The following STAP2 variants were observed in gnomAD, a reference collection of about 807,000 sequenced individuals.
STAP2 encodes signal transducing adaptor family member 2.
STAP2 carries 58 observed loss-of-function variants against 52.7 expected under a neutral mutation model. The observed-to-expected ratio is 1.10, with a 90% CI of 0.89 to 1.37. The LOEUF (loss-of-function observed/expected upper bound fraction) is 1.37, where lower values mean the gene tolerates loss of function less well. Ranked by LOEUF, STAP2 falls within the 40% of genes most tolerant of loss-of-function variation. STAP2 has a pLI of 0.00. For missense variants in STAP2, 522 were observed against 519.4 expected, an observed-to-expected ratio of 1.00 and a Z score of -0.05; for synonymous variants, 231 against 210.5, an observed-to-expected ratio of 1.10 and a Z score of -0.84.
At chr19:4,325,149 A>C (rs1971766626) in intron 11 of STAP2, 67 bp downstream of exon 11, 5 of 1,395,672 alleles carry the variant, frequency 3.6e-6, no homozygotes, top group Middle Eastern at 1.8e-4. Context: ...AAAAAAAAAA[A>C]AAAGTCAGAT....
intron 3 of STAP2, among the ~76,000 whole-genome samples, chr19:4,332,953 G>A (rs542863573): frequency 6.6e-6 from 1 of 152,292 alleles, no homozygotes; most frequent in Admixed American, 6.5e-5. Context: ...ACTTTGGGAG[G>A]CCGAGGTGGG....
rs62129337 is a variant in STAP2, at chr19:4,338,264, G to T, written c.102+388C>A. On this transcript the variant is annotated intron_variant, in intron 1 of 12. Transcript: ENST00000594605. ...CTGAGGTTCACGGAGTTTTTCCTGG[G>T]CTGGGAGCGGGAGGAAGCTCGGGAG... The T allele has an allele frequency of 6.5e-3, 1,103 of 168,426 alleles. 16 individuals carry two copies. The highest frequency in any genetic ancestry group is 0.025 in the African/African-American group (1,039 of 41,964). 10.4% of individuals were successfully genotyped at this position (168,426 alleles called of 1,614,324 possible).
In STAP2 at chr19:4,327,245, G is replaced by A; in HGVS notation, c.661-19C>T. On this transcript the variant is annotated intron_variant, in intron 7 of 12. Coordinates refer to ENST00000594605, the MANE Select transcript of STAP2 (RefSeq NM_001013841.2). ...AAGAGAACTGGGGGCAGATGGGGGA[G>A]CGGTCAGGCTGCTGGAGAAGGGACG... The A allele has an allele frequency of 1.2e-6, 2 of 1,613,952 alleles. No individual in the cohort carries two copies. Among genetic ancestry groups the A allele is most frequent in the Non-Finnish European group, 1.7e-6 (2 of 1,179,978 alleles).
In STAP2 at chr19:4,333,108, T is replaced by C. The variant is rs796559311; in HGVS notation, c.297+586A>G. ...GGGAGGCTGAGGCAGGAGAATCACT[T>C]AAACCTGGGAGGCAGAGGTTGTAGT... On this transcript the variant is annotated intron_variant, in intron 3 of 12. Coordinates refer to ENST00000594605, the MANE Select transcript of STAP2 (RefSeq NM_001013841.2). Among the ~76,000 whole-genome samples, 89 of 152,028 alleles carry C rather than the reference T, an allele frequency of 5.9e-4. 1 individual carries two copies. The highest frequency in any genetic ancestry group is 2.0e-3 in the African/African-American group (84 of 41,442).
chr19:4,325,338 T>C (rs1368409959), intron 10 of STAP2, 30 bp from the exon 11 acceptor site: 4 of 1,614,160 alleles, frequency 2.5e-6, no homozygotes, highest in South Asian at 1.1e-5. Flanking sequence ...ACGTGTCACA[T>C]CAGCTGTTAA....
chr19:4,336,593 G>A (rs1971984302), intron 1 of STAP2, among the ~76,000 whole-genome samples: 1 of 151,588 alleles, frequency 6.6e-6, no homozygotes, highest in Non-Finnish European at 1.5e-5. Flanking sequence ...GGTTACAGGC[G>A]TGAGCCACCA....
chr19:4,338,614 G>A (rs748630788), intron 1 of STAP2, 38 bp downstream of exon 1: 6 of 1,538,006 alleles, frequency 3.9e-6, no homozygotes, highest in Non-Finnish European at 5.3e-6. Flanking sequence ...GCTCCCCACG[G>A]TGGCCCAGCA....
chr19:4,333,309 A>T (rs1404859501), intron 3 of STAP2, among the ~76,000 whole-genome samples: 2 of 152,190 alleles, frequency 1.3e-5, no homozygotes, highest in African/African-American at 2.4e-5. Flanking sequence ...AGCATGGCCA[A>T]CATGGTGAAA....
intron 5 of STAP2, chr19:4,329,048 T>TGGA (rs1971845040): frequency 1.9e-6 from 1 of 520,772 alleles, no homozygotes; most frequent in Non-Finnish European, 3.3e-6. Context: ...TTGCCCAGGC[T>TGGA]GGAGTGCAAT....
chr19:4,325,136 CAAAAAA>C, intron 11 of STAP2, 74 bp downstream of exon 11: 5 of 1,089,816 alleles, frequency 4.6e-6, no homozygotes, highest in Admixed American at 2.6e-5. Context: ...GAGACTGTCT[CAAAAAA>C]AAAAAAAAAA....
In STAP2 at chr19:4,332,011, A is replaced by G; in HGVS notation, c.354+11T>C. ...AATGGGAGAGAGGGCGCAGAGAGCC[A>G]CTACTCTTACCTCCACCACCGTTAA... On this transcript the variant is annotated intron_variant, in intron 4 of 12. Transcript: ENST00000594605. 1.2e-6 allele frequency: 2 copies of G among 1,611,756 alleles called. No homozygotes were observed. The highest frequency in any genetic ancestry group is 1.7e-6 in the Non-Finnish European group (2 of 1,179,062).
chr19:4,333,899 C>T lies in STAP2; in HGVS notation c.174+74G>A, dbSNP rs537176914. ...GATGATGTAGCAGCCACCTTGACCA[C>T]ACCATCTACATTGTCTGCTTGGTCT... On this transcript the variant is annotated intron_variant, in intron 2 of 12. Coordinates refer to ENST00000594605, the MANE Select transcript of STAP2 (RefSeq NM_001013841.2). The T allele has an allele frequency of 2.7e-5, 43 of 1,612,028 alleles. No individual in the cohort carries two copies. In the East Asian group the frequency reaches 8.2e-4, roughly 31 times the overall value.
intron 10 of STAP2, 24 bp downstream of exon 10, chr19:4,325,372 T>G (rs370811900): frequency 5.5e-5 from 89 of 1,614,086 alleles, no homozygotes; most frequent in Non-Finnish European, 7.5e-5. Context: ...CCCCCAGCTC[T>G]CAGCAGCTCT....
intron 1 of STAP2, among the ~76,000 whole-genome samples, chr19:4,334,857 CTATCAATG>C (rs1568388648): frequency 7.8e-3 from 458 of 58,812 alleles, no homozygotes; most frequent in Middle Eastern, 0.015. Flanking sequence ...ATCCACTCAT[CTATCAATG>C]CATCCCTCCA....
chr19:4,328,814 G>A lies in STAP2; in HGVS notation c.456-5C>T. On this transcript the variant is annotated splice_region_variant and splice_polypyrimidine_tract_variant and intron_variant, in intron 5 of 12. Transcript: ENST00000594605. ...CGGCTCACCTTCAGGAAGCACCTGT[G>A]GCGGGCCGCGTCACCCACTCGGGAC... is the stretch of plus-strand genomic sequence containing the variant. 1 of 1,607,498 alleles carries A rather than the reference G, an allele frequency of 6.2e-7. No individual in the cohort carries two copies. Among genetic ancestry groups the A allele is most frequent in the Non-Finnish European group, 8.5e-7 (1 of 1,177,578 alleles).
intron 5 of STAP2, chr19:4,329,125 C>T: frequency 3.1e-6 from 1 of 323,196 alleles, no homozygotes; most frequent in South Asian, 4.4e-5. Context: ...CTCACAGGCC[C>T]GGCTAATTTT....
Position 4,324,079 on chromosome 19 carries a change from C to A in STAP2, c.*54G>T. 1 of 1,530,970 alleles carries A rather than the reference C, an allele frequency of 6.5e-7. No individual in the cohort carries two copies. The highest frequency in any genetic ancestry group is 8.9e-7 in the Non-Finnish European group (1 of 1,129,218). The allele number at this position is 1,530,970 out of a possible 1,614,324, so 94.8% of individuals were successfully genotyped here. ...GAGTTTTAATCCTGGGAAAAAGAAT[C>A]TGGCCGCTGGGCCATGCCCTGGGAC... is the stretch of plus-strand genomic sequence containing the variant. On this transcript the variant is annotated 3_prime_UTR_variant, in exon 13 of 13. Coordinates refer to ENST00000594605, the MANE Select transcript of STAP2 (RefSeq NM_001013841.2).
At position 4,327,393 on chromosome 19, in the gene STAP2, AG is replaced by A; in HGVS notation, c.591-9del. The A allele has an allele frequency of 6.2e-7, 1 of 1,614,046 alleles. No homozygotes were observed. The highest frequency in any genetic ancestry group is 8.5e-7 in the Non-Finnish European group (1 of 1,179,944). Reference sequence around the variant, plus strand: ...TGCCGGACCACGTGCGTCCTGCACCAGGAGAAAGCGAGTGAGTGGCTCAGCC... The same window carrying A: ...TGCCGGACCACGTGCGTCCTGCACCAGAGAAAGCGAGTGAGTGGCTCAGCC... On this transcript the variant is annotated splice_polypyrimidine_tract_variant and intron_variant, in intron 6 of 12. Transcript: ENST00000594605.
At chr19:4,333,423 G>C (rs1971925224) in intron 3 of STAP2, among the ~76,000 whole-genome samples, 1 of 152,156 alleles carries the variant, frequency 6.6e-6, no homozygotes, top group Non-Finnish European at 1.5e-5. Flanking sequence ...TTGAACCTGG[G>C]AGGTGGAGGT....
Sources: allele counts gnomAD v4.1 joint callset (sites outside exome capture counted in the v4.1 genomes callset), GRCh38; gene constraint gnomAD v4.1.1; transcripts MANE v1.5; gene names NCBI Gene and HGNC (gene_info 2026-07-23, HGNC 2026-07-21).